The following LRRIQ3 variants were observed in gnomAD, a reference collection of about 807,000 sequenced individuals.
LRRIQ3 encodes leucine rich repeats and IQ motif containing 3.
Under a neutral mutation model 59.3 loss-of-function variants are expected in LRRIQ3, and 75 were observed. The observed-to-expected ratio is 1.26, with a 90% CI of 1.05 to 1.53. The LOEUF (loss-of-function observed/expected upper bound fraction) is 1.53, where lower values mean the gene tolerates loss of function less well. Among genes scored for constraint, LRRIQ3 ranks in the 40% most tolerant of loss-of-function variants. The probability of loss-of-function intolerance (pLI) is 0.00; values close to 1 mark genes in which losing one functional copy is unlikely to be tolerated. For synonymous variants in LRRIQ3, 250 were observed against 231.3 expected, an observed-to-expected ratio of 1.08 and a Z score of -0.73; for missense variants, 831 against 710.0, an observed-to-expected ratio of 1.17 and a Z score of -1.94.
chr1:74,061,594 A>C (rs540693001), intron 6 of LRRIQ3, among the ~76,000 whole-genome samples: 1 of 152,280 alleles, frequency 6.6e-6, no homozygotes, highest in East Asian at 1.9e-4. Context: ...CATATAGAAA[A>C]ATCAACTCAA....
chr1:74,150,786 A>G (rs1647883126), intron 4 of LRRIQ3, among the ~76,000 whole-genome samples: 1 of 152,112 alleles, frequency 6.6e-6, no homozygotes, highest in Non-Finnish European at 1.5e-5. Context: ...TACAGAAAAT[A>G]TTCAACAATT....
chr1:74,130,964 A>T (rs542921969), intron 4 of LRRIQ3, among the ~76,000 whole-genome samples: 1 of 152,286 alleles, frequency 6.6e-6, no homozygotes, highest in South Asian at 2.1e-4. Context: ...GAAAAGATCA[A>T]CAAAATTGAT....
At chr1:74,113,221 C>T (rs1398151784) in intron 4 of LRRIQ3, among the ~76,000 whole-genome samples, 1 of 151,764 alleles carries the variant, frequency 6.6e-6, no homozygotes, top group Non-Finnish European at 1.5e-5. Flanking sequence ...GGTGGCTCAA[C>T]AGATTATGCT....
At chr1:74,146,382 T>TA (rs1647572494) in intron 4 of LRRIQ3, among the ~76,000 whole-genome samples, 1 of 152,216 alleles carries the variant, frequency 6.6e-6, no homozygotes, top group African/African-American at 2.4e-5. Context: ...TATTAAAATA[T>TA]AAACTCCACA....
chr1:74,086,097 A>G (rs761646364), intron 5 of LRRIQ3, among the ~76,000 whole-genome samples: 2 of 152,062 alleles, frequency 1.3e-5, no homozygotes, highest in Non-Finnish European at 2.9e-5. Context: ...GCCAAAATTT[A>G]GAACTCTTGA....
chr1:74,104,719 C>T (rs755396071), intron 5 of LRRIQ3, among the ~76,000 whole-genome samples: 14 of 151,940 alleles, frequency 9.2e-5, no homozygotes, highest in Non-Finnish European at 1.5e-4. Context: ...GAGAGTGAAA[C>T]AATTCTGTAT....
chr1:74,086,510 T>C (rs142854343), intron 5 of LRRIQ3, among the ~76,000 whole-genome samples: 2,477 of 152,254 alleles, frequency 0.016, 35 homozygotes, highest in Non-Finnish European at 0.025. Flanking sequence ...ATAACCATTC[T>C]GTCTCCTGTA....
chr1:74,073,545 AT>A (rs1359832007), intron 6 of LRRIQ3, among the ~76,000 whole-genome samples: 1 of 137,978 alleles, frequency 7.2e-6, no homozygotes, highest in African/African-American at 2.7e-5. Flanking sequence ...AACAAACAAA[AT>A]AAAAAGACCA....
intron 1 of LRRIQ3, among the ~76,000 whole-genome samples, 160 bp downstream of exon 1, chr1:74,197,836 T>C (rs1388074151): frequency 1.3e-5 from 2 of 152,058 alleles, no homozygotes; most frequent in Non-Finnish European, 2.9e-5. Flanking sequence ...ATGGCGGAGA[T>C]CTTCTATCAG....
intron 6 of LRRIQ3, among the ~76,000 whole-genome samples, chr1:74,068,349 TG>T (rs1654925268): frequency 6.6e-6 from 1 of 152,042 alleles, no homozygotes; most frequent in South Asian, 2.1e-4. Context: ...ATGGAACATA[TG>T]GCCTCTAAGA....
intron 1 of LRRIQ3, among the ~76,000 whole-genome samples, chr1:74,189,447 T>C (rs1650615063): frequency 6.6e-6 from 1 of 152,158 alleles, no homozygotes; most frequent in Non-Finnish European, 1.5e-5. Flanking sequence ...TGTGCCTCAG[T>C]TTCCTTATCT....
chr1:74,176,426 T>A, intron 3 of LRRIQ3, among the ~76,000 whole-genome samples: 1 of 152,156 alleles, frequency 6.6e-6, no homozygotes, highest in East Asian at 1.9e-4. Flanking sequence ...ATTAAGATAT[T>A]TTTTGGCATT....
At chr1:74,179,656 A>T (rs1052661166) in intron 3 of LRRIQ3, among the ~76,000 whole-genome samples, 2 of 151,988 alleles carry the variant, frequency 1.3e-5, no homozygotes, top group African/African-American at 4.8e-5. Context: ...ATAAAATACA[A>T]AACATTTCAA....
At chr1:74,169,391 T>C (rs1649186247) in intron 3 of LRRIQ3, among the ~76,000 whole-genome samples, 1 of 152,286 alleles carries the variant, frequency 6.6e-6, no homozygotes, top group Admixed American at 6.5e-5. Flanking sequence ...GAATACTGTT[T>C]AAGATCCTGA....
intron 4 of LRRIQ3, among the ~76,000 whole-genome samples, chr1:74,139,642 T>G (rs948272879): frequency 3.3e-5 from 5 of 151,930 alleles, no homozygotes; most frequent in Middle Eastern, 3.2e-3. Context: ...CTTCTGTGCT[T>G]AAACACTTGT....
chr1:74,030,413 A>G (rs12076339), intron 7 of LRRIQ3, among the ~76,000 whole-genome samples: 195 of 152,232 alleles, frequency 1.3e-3, no homozygotes, highest in African/African-American at 4.3e-3. Context: ...CAAAACAGAG[A>G]TATAGACCAA....
In LRRIQ3 at chr1:74,109,467, T is replaced by G. The variant is rs1646659979; in HGVS notation, c.794A>C (p.Glu265Ala). The G allele has an allele frequency of 6.3e-7, 1 of 1,577,152 alleles. No homozygotes were observed. The highest frequency in any genetic ancestry group is 1.4e-5 in the African/African-American group (1 of 73,244). The stretch of plus-strand genomic sequence containing the variant: ...AAAGAGATCCTTAAGGAGCTTATCT[T>G]CATACCCTTTGGTTATGTAAATCCA... ...AKWIYITKGY[E>A]DKLLKDLFFK... Residue 265 changes from glutamate to alanine, a missense_variant, in exon 5 of 8, where the codon GAA (glutamate) becomes GCA (alanine). Physicochemically the swap from Glu to Ala is moderately radical, Grantham distance 107. Transcript: ENST00000354431.
chr1:74,140,918 A>C, intron 4 of LRRIQ3, among the ~76,000 whole-genome samples: 1 of 151,816 alleles, frequency 6.6e-6, no homozygotes, highest in East Asian at 1.9e-4. Context: ...ATACTTGATG[A>C]AATTTTTAAA....
At position 74,041,935 on chromosome 1, in the gene LRRIQ3, T is replaced by A; in HGVS notation, c.998-2A>T. On this transcript the variant is annotated splice_acceptor_variant, in intron 6 of 7. Coordinates refer to ENST00000354431, the MANE Select transcript of LRRIQ3 (RefSeq NM_001105659.2). LOFTEE classifies it high-confidence loss of function. Reference sequence around the variant, plus strand: ...CAATTTCATCTTCAGACTCCTGACCTACATCAAACAGAAGCAAATATTATA... The same window carrying A: ...CAATTTCATCTTCAGACTCCTGACCAACATCAAACAGAAGCAAATATTATA... 6.3e-7 allele frequency: 1 copy of A among 1,582,248 alleles called. No homozygotes were observed. Among genetic ancestry groups the A allele is most frequent in the South Asian group, 1.2e-5 (1 of 86,424 alleles).
Sources: gnomAD v4.1 joint callset for allele counts (sites outside exome capture counted in the v4.1 genomes callset) on GRCh38, gnomAD v4.1.1 for gene constraint, MANE v1.5 for transcripts, NCBI Gene and HGNC (gene_info 2026-07-23, HGNC 2026-07-21) for gene names.